LARP1: variants seen among roughly 807,000 people sequenced by gnomAD.
The protein encoded by LARP1 is la-related protein 1.
In LARP1, 36 loss-of-function variants were observed where a neutral mutation model predicts 122.7. That is an observed-to-expected ratio of 0.29 (90% CI 0.22 to 0.39). LARP1 has a LOEUF of 0.39. Ranked by LOEUF, LARP1 falls within the 10% of genes least tolerant of loss-of-function variation. LARP1 has a pLI of 1.00. For missense variants in LARP1, 1,040 were observed against 1,403.6 expected, an observed-to-expected ratio of 0.74 and a Z score of 4.14; for synonymous variants, 539 against 528.7, an observed-to-expected ratio of 1.02 and a Z score of -0.27.
At chr5:154,783,619 T>TA (rs1321692191) in intron 1 of LARP1, among the ~76,000 whole-genome samples, 1 of 152,224 alleles carries the variant, frequency 6.6e-6, no homozygotes, top group Admixed American at 6.5e-5. Context: ...TGCTGGCTGT[T>TA]ATCTTGGCAA....
intron 1 of LARP1, among the ~76,000 whole-genome samples, chr5:154,706,022 G>A (rs1405255502): frequency 1.3e-5 from 2 of 152,074 alleles, no homozygotes; most frequent in African/African-American, 4.8e-5. Flanking sequence ...ATGGCCGGGC[G>A]CGGTGGCTCA....
At chr5:154,773,266 A>G (rs1400006683) in intron 1 of LARP1, among the ~76,000 whole-genome samples, 4 of 152,138 alleles carry the variant, frequency 2.6e-5, no homozygotes, top group Non-Finnish European at 5.9e-5. Flanking sequence ...GCAGGGATCC[A>G]CTGTATTGTA....
intron 1 of LARP1, among the ~76,000 whole-genome samples, chr5:154,767,835 G>T (rs565466159): frequency 8.5e-5 from 13 of 152,272 alleles, no homozygotes; most frequent in Non-Finnish European, 1.8e-4. Context: ...TAGGGGTGGG[G>T]TTTGGAAATG....
chr5:154,751,656 A>G (rs981549500), upstream of LARP1, among the ~76,000 whole-genome samples: 2 of 152,216 alleles, frequency 1.3e-5, no homozygotes, highest in African/African-American at 4.8e-5. Context: ...GTCAGAAAAT[A>G]TTACATACAA....
chr5:154,796,121 T>TTA (rs1313936487), intron 8 of LARP1, among the ~76,000 whole-genome samples: 1 of 104,246 alleles, frequency 9.6e-6, no homozygotes, highest in African/African-American at 4.0e-5. Context: ...AGTATATATA[T>TTA]TATATATATT....
At chr5:154,712,841 G>T, upstream of LARP1, 1 of 1,254,400 alleles carries the variant, frequency 8.0e-7, no homozygotes. Flanking sequence ...GAGAGCTCCC[G>T]GGCCAGAGCC....
intron 1 of LARP1, among the ~76,000 whole-genome samples, chr5:154,691,662 C>A (rs554968661): frequency 6.6e-6 from 1 of 152,210 alleles, no homozygotes; most frequent in Non-Finnish European, 1.5e-5. Flanking sequence ...TTCCTCCCTC[C>A]GTCCCTGTTC....
upstream of LARP1, among the ~76,000 whole-genome samples, chr5:154,708,723 T>C (rs1755067268): frequency 6.6e-6 from 1 of 152,168 alleles, no homozygotes; most frequent in African/African-American, 2.4e-5. Flanking sequence ...GCGATTCTCC[T>C]GCCTCAGCCT....
chr5:154,775,624 CA>C (rs1049043529), intron 1 of LARP1, among the ~76,000 whole-genome samples: 1 of 152,168 alleles, frequency 6.6e-6, no homozygotes, highest in African/African-American at 2.4e-5. Flanking sequence ...TGTTTTTACT[CA>C]CATCATTCCC....
At chr5:154,712,900 T>C (rs752132540) in exon 1 of LARP1, 15 of 1,598,162 alleles carry the variant, frequency 9.4e-6, no homozygotes, top group Non-Finnish European at 1.3e-5. Context: ...CAGGGCCACA[T>C]AGTGACCCCA....
At chr5:154,723,063 A>C (rs753462641) in intron 1 of LARP1, among the ~76,000 whole-genome samples, 1 of 152,230 alleles carries the variant, frequency 6.6e-6, no homozygotes, top group Non-Finnish European at 1.5e-5. Flanking sequence ...AAGGTCATAC[A>C]GTGAGTTGAG....
intron 16 of LARP1, among the ~76,000 whole-genome samples, chr5:154,810,615 G>A (rs531198011): frequency 2.6e-5 from 4 of 151,992 alleles, no homozygotes; most frequent in Non-Finnish European, 5.9e-5. Flanking sequence ...AGCCTCCCGA[G>A]TAGCTGAGAT....
chr5:154,721,175 T>C (rs752476981), intron 1 of LARP1, among the ~76,000 whole-genome samples: 1 of 151,898 alleles, frequency 6.6e-6, no homozygotes, highest in Non-Finnish European at 1.5e-5. Context: ...CAACCTCGTC[T>C]CTAAAAATAT....
At position 154,795,244 on chromosome 5, in the gene LARP1, T is replaced by C. The variant is rs1185057978; in HGVS notation, c.1302T>C (p.Gly434=). Residue 434 remains glycine, a synonymous_variant, in exon 8 of 19, where the codon GGT becomes GGC. Coordinates refer to ENST00000518297, the MANE Select transcript of LARP1 (RefSeq NM_033551.3). ...FFLRRKMDAD[G]FLPITLIASF... Reference sequence around the variant, plus strand: ...TGCGAAGGAAAATGGATGCTGATGGTTTCCTACCCATCACCCTTATTGCTT... The same window carrying C: ...TGCGAAGGAAAATGGATGCTGATGGCTTCCTACCCATCACCCTTATTGCTT... 1 of 1,612,980 alleles carries C rather than the reference T, an allele frequency of 6.2e-7. No homozygotes were observed. Among genetic ancestry groups the C allele is most frequent in the East Asian group, 2.2e-5 (1 of 44,882 alleles).
intron 1 of LARP1, among the ~76,000 whole-genome samples, chr5:154,698,799 A>C (rs1454823364): frequency 6.6e-6 from 1 of 152,218 alleles, no homozygotes; most frequent in Non-Finnish European, 1.5e-5. Context: ...CTAGTGAATG[A>C]ATAGCTGTTT....
Position 154,814,029 on chromosome 5 carries a change from GC to G in LARP1, c.3226del (p.Gln1076SerfsTer30), listed in dbSNP as rs1759498442. 6.2e-7 allele frequency: 1 copy of G among 1,614,006 alleles called. No individual in the cohort carries two copies. The highest frequency in any genetic ancestry group is 1.3e-5 in the African/African-American group (1 of 74,898). On this transcript the variant is annotated frameshift_variant, in exon 19 of 19. Transcript: ENST00000518297. LOFTEE classifies it high-confidence loss of function. Reference sequence around the variant, plus strand: ...AGCCAACCCCCTACACCACCCACCGGCCAGCCTGTCCGGGAAGATGCCAAAT... The same window carrying G: ...AGCCAACCCCCTACACCACCCACCGGCAGCCTGTCCGGGAAGATGCCAAAT... ...MISQPPTPPTGQPVREDAKWT... is the reference protein window; with the variant it reads ...MISQPPTPPTXQPVREDAKWT...
chr5:154,735,643 A>G (rs1053905214), intron 1 of LARP1, among the ~76,000 whole-genome samples: 10 of 151,424 alleles, frequency 6.6e-5, no homozygotes, highest in African/African-American at 1.2e-4. Context: ...ATCTCGGCTC[A>G]TTGAAACCTC....
At chr5:154,690,608 T>C (rs6580103) in intron 1 of LARP1, among the ~76,000 whole-genome samples, 101,360 of 152,168 alleles carry the variant, frequency 0.67, 34,011 homozygotes, top group Non-Finnish European at 0.7. Context: ...GACCCGCCAC[T>C]ACCTCCACGC....
Position 154,811,335 on chromosome 5 carries a change from A to G in LARP1, c.2932A>G (p.Thr978Ala). ...CATATTCAAGGATTTTCAGGAGGAA[A>G]CGGTGAAGGACTATGAAGCTGGTAA... ...LDIFKDFQEE[T>A]VKDYEAGQLY... Residue 978 changes from threonine (T) to alanine (A), a missense_variant, in exon 17 of 19, where the codon ACG becomes GCG. Transcript: ENST00000518297. The G allele has an allele frequency of 1.2e-6, 2 of 1,614,170 alleles. No homozygotes were observed. Among genetic ancestry groups the G allele is most frequent in the Non-Finnish European group, 1.7e-6 (2 of 1,180,016 alleles).
Sources: allele counts gnomAD v4.1 joint callset (sites outside exome capture counted in the v4.1 genomes callset), GRCh38; gene constraint gnomAD v4.1.1; transcripts MANE v1.5; gene names NCBI Gene and HGNC (gene_info 2026-07-23, HGNC 2026-07-21).